The following SLC44A5 variants were observed in gnomAD, a reference collection of about 807,000 sequenced individuals.
SLC44A5 encodes solute carrier family 44 member 5.
SLC44A5 carries 57 observed loss-of-function variants against 101.8 expected under a neutral mutation model. The observed-to-expected ratio is 0.56, with a 90% confidence interval of 0.45 to 0.70. The LOEUF is 0.70. Among genes scored for constraint, SLC44A5 ranks in the 30% least tolerant of loss-of-function variants. The pLI is 0.00. For missense variants in SLC44A5, 737 were observed against 853.1 expected (o/e 0.86, Z 1.70); for synonymous variants, 281 against 290.9 (o/e 0.97, Z 0.35).
At chr1:75,653,417 G>A in the SLC44A5 span, among the ~76,000 whole-genome samples, 1 of 152,162 alleles carries the variant, frequency 6.6e-6, no homozygotes, top group Non-Finnish European at 1.5e-5. Context: ...GGGAGGCAGA[G>A]GTTGTAGTGA....
At chr1:75,214,485 G>T in intron 20 of SLC44A5, 120 bp downstream of exon 20, 1 of 688,770 alleles carries the variant, frequency 1.5e-6, no homozygotes, top group Middle Eastern at 3.8e-4. Flanking sequence ...AATCTATCAA[G>T]TTAAAAGATA....
chr1:75,293,308 G>A (rs1213995720), intron 5 of SLC44A5, among the ~76,000 whole-genome samples: 1 of 152,156 alleles, frequency 6.6e-6, no homozygotes, highest in Non-Finnish European at 1.5e-5. Context: ...GTGCTCTAGG[G>A]TTGAGTCAGG....
At chr1:75,444,233 C>A (rs1203408379) in intron 2 of SLC44A5, among the ~76,000 whole-genome samples, 1 of 150,798 alleles carries the variant, frequency 6.6e-6, no homozygotes, top group Non-Finnish European at 1.5e-5. Flanking sequence ...AGGAGAATCA[C>A]TTGAACCTGG....
At chr1:75,208,753 A>C (rs1646797296) in intron 23 of SLC44A5, among the ~76,000 whole-genome samples, 1 of 152,158 alleles carries the variant, frequency 6.6e-6, no homozygotes, top group Non-Finnish European at 1.5e-5. Flanking sequence ...ATTACTCTTA[A>C]GGTACTGGTA....
the SLC44A5 span, among the ~76,000 whole-genome samples, chr1:75,679,597 G>A: frequency 1.3e-5 from 2 of 151,678 alleles, no homozygotes; most frequent in Admixed American, 6.6e-5. Context: ...TGCCCTAAAA[G>A]AGCTCCTGAA....
intron 17 of SLC44A5, 25 bp downstream of exon 17, chr1:75,218,465 G>A (rs769094847): frequency 1.4e-5 from 23 of 1,612,462 alleles, no homozygotes; most frequent in Non-Finnish European, 2.0e-5. Flanking sequence ...GACAAGATAG[G>A]TGTAGGCTTC....
At chr1:75,588,625 T>G (rs1674160619) in intron 1 of SLC44A5, among the ~76,000 whole-genome samples, 1 of 152,136 alleles carries the variant, frequency 6.6e-6, no homozygotes, top group African/African-American at 2.4e-5. Context: ...TAAAACATAT[T>G]AAGAAAAATC....
chr1:75,640,591 C>G, the SLC44A5 span, among the ~76,000 whole-genome samples: 1 of 151,998 alleles, frequency 6.6e-6, no homozygotes, highest in Non-Finnish European at 1.5e-5. Context: ...CTCTCATTCT[C>G]TCTCTCTCTC....
At chr1:75,407,219 C>T (rs1385385738) in intron 2 of SLC44A5, among the ~76,000 whole-genome samples, 1 of 152,038 alleles carries the variant, frequency 6.6e-6, no homozygotes, top group African/African-American at 2.4e-5. Flanking sequence ...AGGACACAAA[C>T]AAATGGAAGA....
chr1:75,269,675 C>T (rs1651300370), intron 6 of SLC44A5, among the ~76,000 whole-genome samples: 1 of 152,180 alleles, frequency 6.6e-6, no homozygotes, highest in East Asian at 1.9e-4. Flanking sequence ...CTGCTACTGA[C>T]TTGAAATCCA....
At chr1:75,387,975 A>G (rs1033649155) in intron 3 of SLC44A5, among the ~76,000 whole-genome samples, 6 of 148,206 alleles carry the variant, frequency 4.0e-5, no homozygotes, top group Admixed American at 2.0e-4. Flanking sequence ...AAAACCAAAC[A>G]CCACATATTC....
chr1:75,656,021 C>G, the SLC44A5 span, among the ~76,000 whole-genome samples: 1 of 152,026 alleles, frequency 6.6e-6, no homozygotes, highest in Non-Finnish European at 1.5e-5. Context: ...AGAAAAAAAG[C>G]AAATAACATA....
At chr1:75,687,249 C>G in the SLC44A5 span, among the ~76,000 whole-genome samples, 1 of 152,094 alleles carries the variant, frequency 6.6e-6, no homozygotes, top group Non-Finnish European at 1.5e-5. Flanking sequence ...ACAGGAATAA[C>G]CATATCTCAT....
intron 1 of SLC44A5, among the ~76,000 whole-genome samples, chr1:75,552,349 G>A (rs1671981122): frequency 6.6e-6 from 1 of 151,906 alleles, no homozygotes. Context: ...TGTATTTTAG[G>A]CCTATATTTG....
intron 2 of SLC44A5, among the ~76,000 whole-genome samples, chr1:75,476,898 A>C (rs1235186801): frequency 2.0e-5 from 3 of 152,244 alleles, no homozygotes; most frequent in Non-Finnish European, 4.4e-5. Context: ...TGAAGAGAGC[A>C]GTGCTTCTCC....
intron 2 of SLC44A5, among the ~76,000 whole-genome samples, chr1:75,436,056 T>C (rs746470904): frequency 6.6e-6 from 1 of 152,164 alleles, no homozygotes; most frequent in African/African-American, 2.4e-5. Flanking sequence ...TATTTGTACA[T>C]GGCACTGAGT....
the SLC44A5 span, among the ~76,000 whole-genome samples, chr1:75,655,440 C>T: frequency 6.6e-6 from 1 of 152,202 alleles, no homozygotes. Context: ...GGCTTCACTA[C>T]CAGCTTCCTA....
At chr1:75,708,742 C>T in the SLC44A5 span, among the ~76,000 whole-genome samples, 1 of 152,022 alleles carries the variant, frequency 6.6e-6, no homozygotes, top group Non-Finnish European at 1.5e-5. Context: ...CTCAACCTTT[C>T]CTCCAGAAAA....
the SLC44A5 span, among the ~76,000 whole-genome samples, chr1:75,628,218 T>A: frequency 9.9e-5 from 15 of 152,124 alleles, no homozygotes; most frequent in African/African-American, 2.9e-4. Context: ...CATTGCTTTA[T>A]ATCTGATTTT....
Sources: allele counts gnomAD v4.1 joint callset (sites outside exome capture counted in the v4.1 genomes callset), GRCh38; gene constraint gnomAD v4.1.1; transcripts MANE v1.5; gene names NCBI Gene and HGNC (gene_info 2026-07-23, HGNC 2026-07-21).